EBF4: variants seen among roughly 807,000 people sequenced by gnomAD.
EBF4 encodes EBF transcription factor 4.
In EBF4, 34 loss-of-function variants were observed where a neutral mutation model predicts 67.1. The ratio of observed to expected loss-of-function variants is 0.51; its 90% CI spans 0.39 to 0.67. EBF4 has a LOEUF of 0.67. Among genes scored for constraint, EBF4 ranks in the 30% least tolerant of loss-of-function variants. EBF4 has a pLI of 0.00. For missense variants in EBF4, 837 were observed against 873.3 expected (o/e 0.96, Z 0.52); for synonymous variants, 387 against 377.7 (o/e 1.02, Z -0.29).
At chr20:2,722,543 C>G (rs1270148282) in intron 6 of EBF4, among the ~76,000 whole-genome samples, 2 of 152,340 alleles carry the variant, frequency 1.3e-5, no homozygotes, top group African/African-American at 2.4e-5. Context: ...TCCAAGAAAT[C>G]TAGCTACCTT....
intron 10 of EBF4, among the ~76,000 whole-genome samples, chr20:2,750,731 G>T (rs2088131612): frequency 6.6e-6 from 1 of 152,150 alleles, no homozygotes; most frequent in Admixed American, 6.5e-5. Flanking sequence ...GAACCGCATG[G>T]GGTGGGTGGG....
intron 7 of EBF4, among the ~76,000 whole-genome samples, 189 bp downstream of exon 7, chr20:2,748,819 C>T (rs2088093502): frequency 6.6e-6 from 1 of 152,252 alleles, no homozygotes. Flanking sequence ...TCAACTTGTG[C>T]TGGCTGCCAA....
At chr20:2,737,216 C>G (rs1220542118) in intron 6 of EBF4, among the ~76,000 whole-genome samples, 1 of 146,004 alleles carries the variant, frequency 6.8e-6, no homozygotes, top group Non-Finnish European at 1.5e-5. Context: ...CGCCACTGCA[C>G]TCCAGCTTGG....
intron 6 of EBF4, among the ~76,000 whole-genome samples, chr20:2,730,898 TTTTG>T (rs1438414438): frequency 1.3e-5 from 2 of 152,232 alleles, no homozygotes; most frequent in Non-Finnish European, 1.5e-5. Context: ...TTGCTGGGTT[TTTTG>T]TTTGTTTGTT....
intron 7 of EBF4, among the ~76,000 whole-genome samples, 199 bp downstream of exon 7, chr20:2,748,829 A>G (rs970892264): frequency 6.6e-6 from 1 of 152,342 alleles, no homozygotes; most frequent in Non-Finnish European, 1.5e-5. Context: ...CTGGCTGCCA[A>G]GGGAGGCTTC....
chr20:2,756,907 T>C lies in EBF4; in HGVS notation c.1738+1083T>C, dbSNP rs2088253523. 1.3e-5 allele frequency among the ~76,000 whole-genome samples: 2 copies of C among 152,216 alleles called. No individual in the cohort carries two copies. Among genetic ancestry groups the C allele is most frequent in the African/African-American group, 4.8e-5 (2 of 41,448 alleles). On this transcript the variant is annotated intron_variant, in intron 15 of 16. Transcript: ENST00000609451. This position sits in a 1 kb window ranked among gnomAD's most constrained non-coding sequence, Gnocchi z 4.5. ...TGTGAACCTTCTAGGAAACAGGAGATGCAAATTTATTTGAGCACAAAAATG... is the reference window on the plus strand; with the variant it reads ...TGTGAACCTTCTAGGAAACAGGAGACGCAAATTTATTTGAGCACAAAAATG...
At chr20:2,752,433 C>A in exon 14 of EBF4, 10 of 1,299,624 alleles carry the variant, frequency 7.7e-6, no homozygotes, top group Non-Finnish European at 9.8e-6. Context: ...GCGGCTACGG[C>A]GGCGGCCTCG....
chr20:2,708,437 TGC>T (rs1350277678), intron 5 of EBF4, among the ~76,000 whole-genome samples: 5 of 152,136 alleles, frequency 3.3e-5, no homozygotes, highest in Admixed American at 6.5e-5. Context: ...AGTGAAGGGG[TGC>T]ACAGCCCTTG....
chr20:2,697,325 C>T (rs1398102780), intron 1 of EBF4, among the ~76,000 whole-genome samples: 1 of 152,058 alleles, frequency 6.6e-6, no homozygotes, highest in African/African-American at 2.4e-5. Context: ...GCAGGCAGAT[C>T]ACGAGGTCAG....
intron 6 of EBF4, among the ~76,000 whole-genome samples, chr20:2,711,215 G>C (rs8114899): frequency 0.088 from 13,342 of 151,858 alleles, 1,580 homozygotes; most frequent in African/African-American, 0.27. Flanking sequence ...GCAGGAAGCA[G>C]AACTTTCAGC....
At chr20:2,749,322 A>G (rs1011045039) in intron 7 of EBF4, 79 bp from the exon 8 acceptor site, 5 of 1,083,568 alleles carry the variant, frequency 4.6e-6, no homozygotes, top group African/African-American at 3.2e-5. Flanking sequence ...ACCAGCCTCA[A>G]GGTGCTGGTT....
chr20:2,755,348 G>A lies in EBF4; in HGVS notation c.1541-279G>A. ...CTGTTGCTCATCTCATTTTTGGGGG[G>A]TACCTCCCACTGTTTGTTTTTTTTG... On this transcript the variant is annotated intron_variant, in intron 14 of 16. Transcript: ENST00000609451. This position sits in a 1 kb window ranked among gnomAD's most constrained non-coding sequence, Gnocchi z 4.7. 2.2e-6 allele frequency: 1 copy of A among 460,326 alleles called. No individual in the cohort carries two copies. The highest frequency in any genetic ancestry group is 2.0e-5 in the African/African-American group (1 of 49,986). 28.5% of individuals were successfully genotyped at this position (460,326 alleles called of 1,614,324 possible). A position where few individuals can be genotyped will look rare whatever the true frequency, so the allele number is the denominator to read the frequency against.
At chr20:2,718,518 G>A (rs1381347899) in intron 6 of EBF4, among the ~76,000 whole-genome samples, 1 of 152,182 alleles carries the variant, frequency 6.6e-6, no homozygotes, top group African/African-American at 2.4e-5. Flanking sequence ...GGTAATTTAT[G>A]TGTTTCAAAG....
chr20:2,696,583 C>T lies in EBF4; in HGVS notation c.137+2801C>T, dbSNP rs535841003. Among the ~76,000 whole-genome samples, 1 of 152,324 alleles carries T rather than the reference C, an allele frequency of 6.6e-6. No individual in the cohort carries two copies. The highest frequency in any genetic ancestry group is 2.4e-5 in the African/African-American group (1 of 41,568). ...ATTCAAGGCCTATCATGGTCTGACT[C>T]CAGCCTTCCTCCCCAGCCTCCTCTG... On this transcript the variant is annotated intron_variant, in intron 1 of 16. Coordinates refer to ENST00000609451, the Ensembl canonical transcript of EBF4. The surrounding 1 kb of genome is among the most constrained non-coding windows in gnomAD (Gnocchi z 4.7).
chr20:2,753,891 C>G (rs1445371766), intron 14 of EBF4, among the ~76,000 whole-genome samples: 1 of 152,204 alleles, frequency 6.6e-6, no homozygotes, highest in African/African-American at 2.4e-5. Context: ...GCTCTTTGCT[C>G]AGGCCAGGAT....
At position 2,703,758 on chromosome 20, in the gene EBF4, C is replaced by T. The variant is rs181344871; in HGVS notation, c.138-1819C>T. Among the ~76,000 whole-genome samples, 628 of 151,588 alleles carry T rather than the reference C, an allele frequency of 4.1e-3. 2 individuals are homozygous for T. Among genetic ancestry groups the T allele is most frequent in the African/African-American group, 0.014 (576 of 41,364 alleles). On this transcript the variant is annotated intron_variant, in intron 1 of 16. Coordinates refer to ENST00000609451, the Ensembl canonical transcript of EBF4. ...GACTCCAAAACTTAGCAACTTAAAA[C>T]AACAAACATTTATTATCTCACACAA...
At chr20:2,731,130 C>T (rs180688380) in intron 6 of EBF4, among the ~76,000 whole-genome samples, 1 of 152,286 alleles carries the variant, frequency 6.6e-6, no homozygotes, top group Non-Finnish European at 1.5e-5. Flanking sequence ...ATCTCGTGAC[C>T]TCGTGATCCG....
chr20:2,752,379 C>A, exon 14 of EBF4: 1 of 1,239,990 alleles, frequency 8.1e-7, no homozygotes, highest in Non-Finnish European at 1.0e-6. Flanking sequence ...GCTGCAGCAG[C>A]GCGTCCCCCC....
rs377684929 is a variant in EBF4, at chr20:2,736,819, G to A, written c.558-11730G>A. ...GAAGGTCATATAGGCTGAGATGCCAGTCATAAGGACAAAGGACCCCTAATG... is the reference window on the plus strand; with the variant it reads ...GAAGGTCATATAGGCTGAGATGCCAATCATAAGGACAAAGGACCCCTAATG... On this transcript the variant is annotated intron_variant, in intron 6 of 16. Transcript: ENST00000609451. 9.0e-5 allele frequency among the ~76,000 whole-genome samples: 11 copies of A among 122,548 alleles called. No individual in the cohort carries two copies. In the East Asian group the frequency reaches 2.6e-3, roughly 29 times the overall value. The allele number at this position is 122,548 out of a possible 152,430, so 80.4% of individuals were successfully genotyped here.
Sources: allele counts gnomAD v4.1 joint callset (sites outside exome capture counted in the v4.1 genomes callset), GRCh38; gene constraint gnomAD v4.1.1; non-coding constraint Gnocchi (gnomAD v3.1); transcripts MANE v1.5; gene names NCBI Gene and HGNC (gene_info 2026-07-23, HGNC 2026-07-21).